Variants in WDR59 observed in about 807,000 individuals in gnomAD.
WDR59 encodes the protein WD repeat domain 59, also known as GATOR2 complex protein WDR59.
WDR59 carries 100 observed loss-of-function variants against 131.2 expected under a neutral mutation model. The observed-to-expected ratio is 0.76, with a 90% confidence interval of 0.65 to 0.90. The LOEUF (loss-of-function observed/expected upper bound fraction) is 0.90, where lower values mean the gene tolerates loss of function less well. WDR59 is among the 40% of genes least tolerant of loss of function. The probability of loss-of-function intolerance (pLI) is 0.00; values close to 1 mark genes in which losing one functional copy is unlikely to be tolerated. For missense variants in WDR59, 1,203 were observed against 1,262.2 expected (o/e 0.95, Z 0.71); for synonymous variants, 601 against 466.2 (o/e 1.29, Z -3.72).
intron 10 of WDR59, among the ~76,000 whole-genome samples, chr16:74,920,207 T>C (rs1172873891): frequency 1.3e-5 from 2 of 152,152 alleles, no homozygotes; most frequent in African/African-American, 2.4e-5. Flanking sequence ...GACTTTATGA[T>C]GGCGTGAAAC....
intron 20 of WDR59, among the ~76,000 whole-genome samples, chr16:74,890,986 C>T (rs767105406): frequency 3.6e-4 from 55 of 151,908 alleles, no homozygotes; most frequent in Non-Finnish European, 5.2e-4. Context: ...TGGTGGCACA[C>T]GCCTGTAGTC....
intron 20 of WDR59, 72 bp downstream of exon 20, chr16:74,892,412 G>T (rs1244050750): frequency 1.6e-6 from 2 of 1,225,566 alleles, no homozygotes; most frequent in African/African-American, 3.0e-5. Flanking sequence ...GTCATTAAAT[G>T]CCAATGACAA....
chr16:74,906,304 A>T (rs1965813337), intron 17 of WDR59, among the ~76,000 whole-genome samples: 1 of 147,914 alleles, frequency 6.8e-6, no homozygotes, highest in Non-Finnish European at 1.5e-5. Context: ...ACAGAGCAAG[A>T]CTCCGTCTCA....
chr16:74,917,075 A>T (rs1966425631), intron 11 of WDR59, among the ~76,000 whole-genome samples: 1 of 152,168 alleles, frequency 6.6e-6, no homozygotes, highest in Non-Finnish European at 1.5e-5. Flanking sequence ...TACAAGTGAG[A>T]CACCTTCCCA....
intron 1 of WDR59, chr16:74,984,580 C>A: frequency 3.6e-6 from 1 of 280,160 alleles, no homozygotes; most frequent in Non-Finnish European, 7.0e-6. Context: ...GCAGCTGAGA[C>A]TTAGAAAAGT....
At chr16:74,978,551 T>A (rs560972530) in intron 1 of WDR59, among the ~76,000 whole-genome samples, 19 of 152,262 alleles carry the variant, frequency 1.2e-4, no homozygotes, top group African/African-American at 4.6e-4. Flanking sequence ...CTACACATCA[T>A]ATCACATGAT....
At chr16:74,972,328 C>T (rs1325801572) in intron 1 of WDR59, among the ~76,000 whole-genome samples, 3 of 152,102 alleles carry the variant, frequency 2.0e-5, no homozygotes, top group Non-Finnish European at 2.9e-5. Context: ...TATTAGACTA[C>T]AAATTGCTGC....
chr16:74,976,994 C>T (rs2034212033), intron 1 of WDR59, among the ~76,000 whole-genome samples: 1 of 151,986 alleles, frequency 6.6e-6, no homozygotes, highest in African/African-American at 2.4e-5. Context: ...ATTGCGAGAC[C>T]CTGTCTGAAA....
At chr16:74,923,247 C>A (rs1405329962) in intron 9 of WDR59, among the ~76,000 whole-genome samples, 1 of 152,126 alleles carries the variant, frequency 6.6e-6, no homozygotes, top group Non-Finnish European at 1.5e-5. Context: ...CAAGGCCATA[C>A]CAGTATTAAA....
chr16:74,881,032 G>A (rs1345335078), intron 25 of WDR59, among the ~76,000 whole-genome samples: 3 of 152,200 alleles, frequency 2.0e-5, no homozygotes, highest in Non-Finnish European at 4.4e-5. Context: ...CCATGGGGTG[G>A]CTGGGAAAGC....
chr16:74,945,967 A>ATG (rs2032606557), intron 6 of WDR59, among the ~76,000 whole-genome samples: 1 of 151,808 alleles, frequency 6.6e-6, no homozygotes, highest in Non-Finnish European at 1.5e-5. Context: ...ACAGGCATGC[A>ATG]CCACCACGCC....
intron 6 of WDR59, among the ~76,000 whole-genome samples, chr16:74,943,037 T>C (rs530727047): frequency 6.6e-6 from 1 of 152,236 alleles, no homozygotes; most frequent in African/African-American, 2.4e-5. Flanking sequence ...AGTCACCTAA[T>C]TGAGGAAATA....
chr16:74,950,292 A>G (rs557726060), intron 4 of WDR59, among the ~76,000 whole-genome samples: 1 of 152,312 alleles, frequency 6.6e-6, no homozygotes, highest in East Asian at 1.9e-4. Flanking sequence ...GTGCCACTGC[A>G]CTCCAGCCTG....
At chr16:74,899,866 G>A (rs1965465261) in intron 18 of WDR59, 1 of 781,620 alleles carries the variant, frequency 1.3e-6, no homozygotes, top group Non-Finnish European at 1.9e-6. Flanking sequence ...GGATTCCAAT[G>A]TACCATAATA....
chr16:74,959,499 C>G (rs1038683149), intron 2 of WDR59: 9 of 449,956 alleles, frequency 2.0e-5, no homozygotes, highest in African/African-American at 1.6e-4. Flanking sequence ...GAAGCAGCAG[C>G]TCACACTGGA....
intron 17 of WDR59, 100 bp downstream of exon 17, chr16:74,908,808 G>A (rs1965940417): frequency 1.1e-6 from 1 of 878,894 alleles, no homozygotes. Flanking sequence ...CTGAAGAACT[G>A]AAATGCACTG....
intron 2 of WDR59, among the ~76,000 whole-genome samples, chr16:74,965,304 CT>C (rs201165516): frequency 9.8e-6 from 1 of 101,548 alleles, no homozygotes; most frequent in African/African-American, 5.2e-5. Flanking sequence ...GCTACAGAAA[CT>C]TGTCATTCAG....
intron 2 of WDR59, among the ~76,000 whole-genome samples, chr16:74,961,784 ATTAGT>A (rs1397430181): frequency 1.3e-5 from 2 of 152,030 alleles, no homozygotes; most frequent in Non-Finnish European, 2.9e-5. Context: ...GCAGAAGCTT[ATTAGT>A]TTAATCAGAT....
At chr16:74,959,570 T>C in intron 2 of WDR59, 2 of 450,498 alleles carry the variant, frequency 4.4e-6, no homozygotes, top group South Asian at 3.1e-5. Context: ...AAGACCAGCC[T>C]GGGCAACCTG....
Sources: gnomAD v4.1 joint callset for allele counts (sites outside exome capture counted in the v4.1 genomes callset) on GRCh38, gnomAD v4.1.1 for gene constraint, MANE v1.5 for transcripts, NCBI Gene and HGNC (gene_info 2026-07-23, HGNC 2026-07-21) for gene names.